Variants in SLC18B1 observed in about 807,000 individuals in gnomAD.
SLC18B1 encodes solute carrier family 18 member B1.
Under a neutral mutation model 53.9 loss-of-function variants are expected in SLC18B1, and 62 were observed. The ratio of observed to expected loss-of-function variants is 1.15; its 90% CI spans 0.94 to 1.42. The LOEUF is 1.42. Ranked by LOEUF, SLC18B1 falls within the 40% of genes most tolerant of loss-of-function variation. SLC18B1 has a pLI of 0.00. For missense variants in SLC18B1, 598 were observed against 547.3 expected (o/e 1.09, Z -0.93); for synonymous variants, 217 against 200.9 (o/e 1.08, Z -0.68).
intron 2 of SLC18B1, among the ~76,000 whole-genome samples, chr6:132,791,949 C>T (rs535277540): frequency 2.0e-5 from 3 of 151,902 alleles, no homozygotes; most frequent in African/African-American, 4.8e-5. Flanking sequence ...ATATGCGTGC[C>T]GGGCATGGGG....
intron 2 of SLC18B1, among the ~76,000 whole-genome samples, chr6:132,796,532 GAAA>G (rs56286125): frequency 3.2e-4 from 25 of 77,862 alleles, no homozygotes; most frequent in African/African-American, 6.4e-4. Flanking sequence ...GTCTCGAAAG[GAAA>G]AAAAAAAAAA....
chr6:132,798,148 A>G (rs919082049), intron 1 of SLC18B1, among the ~76,000 whole-genome samples: 1 of 152,230 alleles, frequency 6.6e-6, no homozygotes, highest in Admixed American at 6.5e-5. Flanking sequence ...CTAATGGCAT[A>G]CTTATTTGAA....
At chr6:132,794,599 C>A (rs1348811601) in intron 2 of SLC18B1, among the ~76,000 whole-genome samples, 1 of 152,144 alleles carries the variant, frequency 6.6e-6, no homozygotes, top group African/African-American at 2.4e-5. Context: ...CATCAAGAAG[C>A]TGTCTGTTGT....
chr6:132,777,931 A>G (rs76906184), intron 7 of SLC18B1, among the ~76,000 whole-genome samples: 7,377 of 152,310 alleles, frequency 0.048, 613 homozygotes, highest in African/African-American at 0.17. Flanking sequence ...AGACCACCAA[A>G]CAGGCTTTGT....
chr6:132,780,682 C>T, intron 6 of SLC18B1, among the ~76,000 whole-genome samples: 1 of 150,754 alleles, frequency 6.6e-6, no homozygotes. Flanking sequence ...CTGCCTCAGC[C>T]TCCCGAGTAG....
At position 132,792,291 on chromosome 6, in the gene SLC18B1, G is replaced by GAAAGAAAGAAAGAAAGAAAGAAA. The variant is rs1562271470; in HGVS notation, c.184-2020_184-2019insTTTCTTTCTTTCTTTCTTTCTTT. 3.3e-4 allele frequency among the ~76,000 whole-genome samples: 22 copies of GAAAGAAAGAAAGAAAGAAAGAAA among 67,042 alleles called. 1 individual carries two copies. Among genetic ancestry groups the GAAAGAAAGAAAGAAAGAAAGAAA allele is most frequent in the African/African-American group, 2.0e-3 (21 of 10,304 alleles). The allele number at this position is 67,042 out of a possible 152,430, so 44.0% of individuals were successfully genotyped here. On this transcript the variant is annotated intron_variant, in intron 2 of 13. Coordinates refer to ENST00000275227, the MANE Select transcript of SLC18B1 (RefSeq NM_052831.3). ...AGAAAGAAAGAAAGAAAGGAAGAAA[G>GAAAGAAAGAAAGAAAGAAAGAAA]GAAGGAAGGAAGGAAGGAAGGAAGG... is the stretch of plus-strand genomic sequence containing the variant.
At position 132,771,222 on chromosome 6, in the gene SLC18B1, A is replaced by G; in HGVS notation, c.1161-93T>C. On this transcript the variant is annotated intron_variant, in intron 11 of 13. Coordinates refer to ENST00000275227, the MANE Select transcript of SLC18B1 (RefSeq NM_052831.3). ...CATGATCCTTCAATTGTAAGTCTTC[A>G]TTACATTGGAAGATAAGTACTAAAG... 3 of 1,127,736 alleles carry G rather than the reference A, an allele frequency of 2.7e-6. No homozygotes were observed. The South Asian group carries it at 4.1e-5, about 15-fold the overall frequency. 69.9% of individuals were successfully genotyped at this position (1,127,736 alleles called of 1,614,324 possible).
At position 132,771,107 on chromosome 6, in the gene SLC18B1, C is replaced by G; in HGVS notation, c.1183G>C (p.Gly395Arg). 6.2e-7 allele frequency: 1 copy of G among 1,614,060 alleles called. No homozygotes were observed. The part of the protein sequence containing the change: ...SIGAFMGPTL[G>R]GFLYEKIGFE... Reference sequence around the variant, plus strand: ...CCAATTTTCTCATACAGAAATCCACCCAGCGTTGGTCCCATAAAAGCACTA... The same window carrying G: ...CCAATTTTCTCATACAGAAATCCACGCAGCGTTGGTCCCATAAAAGCACTA... The change falls in exon 12 of 14, where the codon GGT becomes CGT. Residue 395 changes from glycine to arginine, a missense_variant. Physicochemically the swap from Gly to Arg is moderately radical, Grantham distance 125 (BLOSUM62 -2). Transcript: ENST00000275227.
chr6:132,779,550 T>C lies in SLC18B1; in HGVS notation c.659-146A>G, dbSNP rs1781178561. The C allele has an allele frequency of 3.2e-5, 25 of 776,456 alleles. 2 individuals are homozygous for C. Among genetic ancestry groups the C allele is most frequent in the South Asian group, 2.8e-4 (14 of 49,384 alleles). 48.1% of individuals were successfully genotyped at this position (776,456 alleles called of 1,614,324 possible). ...AGTTTGCCTAAAATTGTATACCATC[T>C]ATACTTGCATATAAATTATTCAAAC... On this transcript the variant is annotated intron_variant, in intron 6 of 13. Coordinates refer to ENST00000275227, the MANE Select transcript of SLC18B1 (RefSeq NM_052831.3).
Position 132,771,601 on chromosome 6 carries a change from T to G in SLC18B1, c.1161-472A>C, listed in dbSNP as rs181390002. ...TACCACTCAAATAAGATAAAGTATATGAAACCATTTTGACTAAGTATTAAA... is the reference window on the plus strand; with the variant it reads ...TACCACTCAAATAAGATAAAGTATAGGAAACCATTTTGACTAAGTATTAAA... On this transcript the variant is annotated intron_variant, in intron 11 of 13. Transcript: ENST00000275227. Among the ~76,000 whole-genome samples the G allele has an allele frequency of 2.0e-5, 3 of 152,310 alleles. No homozygotes were observed. In the East Asian group the frequency reaches 5.8e-4, roughly 29 times the overall value.
At chr6:132,774,447 T>C in intron 8 of SLC18B1, 134 bp from the exon 9 acceptor site, 1 of 610,538 alleles carries the variant, frequency 1.6e-6, no homozygotes. Context: ...AACAAAACTT[T>C]ACATTTAAAA....
chr6:132,772,326 A>C (rs1780997795), intron 10 of SLC18B1, 120 bp from the exon 11 acceptor site: 9 of 545,240 alleles, frequency 1.7e-5, no homozygotes, highest in Non-Finnish European at 2.8e-5. Context: ...CAACAGCAAG[A>C]ATACTCTGCT....
intron 2 of SLC18B1, among the ~76,000 whole-genome samples, chr6:132,793,327 C>A (rs1038757548): frequency 3.3e-5 from 5 of 152,204 alleles, no homozygotes; most frequent in African/African-American, 9.7e-5. Flanking sequence ...TTGTTGACCA[C>A]AAGATTTTAA....
chr6:132,776,188 G>C, intron 8 of SLC18B1, 140 bp downstream of exon 8: 6 of 658,030 alleles, frequency 9.1e-6, no homozygotes, highest in Middle Eastern at 2.8e-4. Flanking sequence ...TAGGGTGATA[G>C]AAAACACTGA....
At chr6:132,792,274 A>C (rs1168625985) in intron 2 of SLC18B1, among the ~76,000 whole-genome samples, 5 of 58,112 alleles carry the variant, frequency 8.6e-5, no homozygotes, top group Non-Finnish European at 6.6e-5. Context: ...AAAGAAAGAA[A>C]GAAAGAAAGG....
chr6:132,790,210 G>T lies in SLC18B1; in HGVS notation c.246C>A (p.Phe82Leu). 1.3e-6 allele frequency: 2 copies of T among 1,576,770 alleles called. No individual in the cohort carries two copies. Among genetic ancestry groups the T allele is most frequent in the South Asian group, 1.2e-5 (1 of 85,984 alleles). Residue 82 changes from phenylalanine (F) to leucine (L), a missense_variant, in exon 3 of 14, where the codon TTC (phenylalanine) becomes TTA (leucine). Transcript: ENST00000275227. ...IGMIFGCFAL[F>L]ELLASLVFGN... ...CAAATACCAAGGATGCCAGCAACTCGAACAAAGCAAAACATCCAAAGATCA... is the reference window on the plus strand; with the variant it reads ...CAAATACCAAGGATGCCAGCAACTCTAACAAAGCAAAACATCCAAAGATCA...
In SLC18B1 at chr6:132,792,270, A is replaced by AGAAC. The variant is rs1415023150; in HGVS notation, c.184-1999_184-1998insGTTC. Among the ~76,000 whole-genome samples, 19 of 52,904 alleles carry AGAAC rather than the reference A, an allele frequency of 3.6e-4. 1 individual carries two copies. Among genetic ancestry groups the AGAAC allele is most frequent in the Non-Finnish European group, 4.0e-4 (11 of 27,792 alleles). The allele number at this position is 52,904 out of a possible 152,430, so 34.7% of individuals were successfully genotyped here. A position where few individuals can be genotyped will look rare whatever the true frequency, so the allele number is the denominator to read the frequency against. ...AAGAAAGAAAGAAAGAAAGAAAGAA[A>AGAAC]GAAAGAAAGAAAGGAAGAAAGGAAG... On this transcript the variant is annotated intron_variant, in intron 2 of 13. Coordinates refer to ENST00000275227, the MANE Select transcript of SLC18B1 (RefSeq NM_052831.3).
Position 132,792,276 on chromosome 6 carries a change from AAAGAAAGG to A in SLC18B1, c.184-2012_184-2005del, listed in dbSNP as rs1562271380. Among the ~76,000 whole-genome samples, 73 of 51,616 alleles carry A rather than the reference AAAGAAAGG, an allele frequency of 1.4e-3. 7 individuals are homozygous for A. The highest frequency in any genetic ancestry group is 2.7e-3 in the African/African-American group (23 of 8,510). 33.9% of individuals were successfully genotyped at this position (51,616 alleles called of 152,430 possible). On this transcript the variant is annotated intron_variant, in intron 2 of 13. Coordinates refer to ENST00000275227, the MANE Select transcript of SLC18B1 (RefSeq NM_052831.3). ...GAAAGAAAGAAAGAAAGAAAGAAAGAAAGAAAGGAAGAAAGGAAGGAAGGAAGGAAGGA... is the reference window on the plus strand; with the variant it reads ...GAAAGAAAGAAAGAAAGAAAGAAAGAAAGAAAGGAAGGAAGGAAGGAAGGA...
At chr6:132,779,671 C>T (rs140106314) in intron 6 of SLC18B1, among the ~76,000 whole-genome samples, 70 of 152,288 alleles carry the variant, frequency 4.6e-4, no homozygotes, top group African/African-American at 1.7e-3. Context: ...TCTTAGGTTA[C>T]AGGTTGTAAC....
Sources: gnomAD v4.1 joint callset for allele counts (sites outside exome capture counted in the v4.1 genomes callset) on GRCh38, gnomAD v4.1.1 for gene constraint, MANE v1.5 for transcripts, NCBI Gene and HGNC (gene_info 2026-07-23, HGNC 2026-07-21) for gene names.